The following BRINP3 variants were observed in gnomAD, a reference collection of about 807,000 sequenced individuals.
The protein encoded by BRINP3 is BMP/retinoic acid inducible neural specific 3, also known as BMP/retinoic acid-inducible neural-specific protein 3.
BRINP3 carries 19 observed loss-of-function variants against 71.0 expected under a neutral mutation model. The ratio of observed to expected loss-of-function variants is 0.27; its 90% CI spans 0.19 to 0.39. BRINP3 has a LOEUF of 0.39. Ranked by LOEUF, BRINP3 falls within the 10% of genes least tolerant of loss-of-function variation. The pLI is 1.00. For synonymous variants in BRINP3, 380 were observed against 337.7 expected, an observed-to-expected ratio of 1.13 and a Z score of -1.37; for missense variants, 959 against 940.8, an observed-to-expected ratio of 1.02 and a Z score of -0.25.
intron 2 of BRINP3, among the ~76,000 whole-genome samples, chr1:190,414,015 T>G (rs1425352235): frequency 6.6e-6 from 1 of 152,068 alleles, no homozygotes; most frequent in African/African-American, 2.4e-5. Context: ...CAGGCTGGAG[T>G]GCAGTGGTGT....
intron 6 of BRINP3, among the ~76,000 whole-genome samples, chr1:190,173,468 T>C (rs748342036): frequency 2.0e-5 from 3 of 152,186 alleles, no homozygotes; most frequent in Non-Finnish European, 4.4e-5. Context: ...GAAAGGGAGA[T>C]ACATTGGTCT....
intron 2 of BRINP3, among the ~76,000 whole-genome samples, chr1:190,307,711 A>G (rs759009511): frequency 6.6e-6 from 1 of 151,932 alleles, no homozygotes; most frequent in Non-Finnish European, 1.5e-5. Context: ...CCCTCGAAAA[A>G]AAGAGCTTCC....
chr1:190,402,435 C>T (rs1017160814), intron 2 of BRINP3, among the ~76,000 whole-genome samples: 7 of 152,010 alleles, frequency 4.6e-5, no homozygotes, highest in East Asian at 1.9e-4. Context: ...TAGTAACTAT[C>T]GGTTTTAGAA....
chr1:190,239,406 A>G (rs1658837929), intron 4 of BRINP3, among the ~76,000 whole-genome samples: 1 of 152,128 alleles, frequency 6.6e-6, no homozygotes. Flanking sequence ...CTAGAAGTTT[A>G]TTTTGCCTAA....
At chr1:190,257,950 T>C (rs557134548) in intron 4 of BRINP3, among the ~76,000 whole-genome samples, 2 of 152,322 alleles carry the variant, frequency 1.3e-5, no homozygotes, top group Admixed American at 6.5e-5. Context: ...AGGGACCCAC[T>C]TGAGGAGGCA....
intron 2 of BRINP3, among the ~76,000 whole-genome samples, chr1:190,429,403 G>A (rs1440662986): frequency 6.6e-6 from 1 of 152,052 alleles, no homozygotes; most frequent in East Asian, 1.9e-4. Context: ...ATGAAGTCAT[G>A]GTTTCCCCTA....
intron 2 of BRINP3, among the ~76,000 whole-genome samples, chr1:190,395,059 T>C (rs566863107): frequency 6.6e-6 from 1 of 151,444 alleles, no homozygotes; most frequent in Admixed American, 6.6e-5. Context: ...ATATTTGTGG[T>C]AAGAATATAT....
At chr1:190,467,727 A>T (rs921106029) in intron 1 of BRINP3, among the ~76,000 whole-genome samples, 2 of 151,566 alleles carry the variant, frequency 1.3e-5, no homozygotes, top group African/African-American at 4.8e-5. Flanking sequence ...TCAATACATT[A>T]ATTTAACTTC....
chr1:190,280,388 G>T (rs10920683), intron 3 of BRINP3, among the ~76,000 whole-genome samples: 15 of 151,476 alleles, frequency 9.9e-5, no homozygotes, highest in Admixed American at 2.0e-4. Flanking sequence ...CTAGGTTTCA[G>T]TTAAAACAGT....
intron 6 of BRINP3, among the ~76,000 whole-genome samples, chr1:190,162,011 G>A (rs1241827288): frequency 6.6e-6 from 1 of 151,962 alleles, no homozygotes; most frequent in Non-Finnish European, 1.5e-5. Context: ...GATCAAATAA[G>A]TACAGAGTTC....
At chr1:190,133,203 G>A (rs1476586318) in intron 7 of BRINP3, among the ~76,000 whole-genome samples, 1 of 152,108 alleles carries the variant, frequency 6.6e-6, no homozygotes, top group Non-Finnish European at 1.5e-5. Flanking sequence ...ATAGATTATA[G>A]TAAGACTATA....
intron 2 of BRINP3, among the ~76,000 whole-genome samples, chr1:190,349,251 CTA>C (rs1668216897): frequency 6.6e-6 from 1 of 151,978 alleles, no homozygotes; most frequent in Non-Finnish European, 1.5e-5. Flanking sequence ...TTGGATTTCT[CTA>C]TTTTTATTTT....
intron 6 of BRINP3, among the ~76,000 whole-genome samples, chr1:190,192,622 T>A (rs904348927): frequency 6.6e-6 from 1 of 151,960 alleles, no homozygotes; most frequent in African/African-American, 2.4e-5. Flanking sequence ...AACTATTACC[T>A]ATGCAAGAAG....
intron 3 of BRINP3, 122 bp from the exon 4 acceptor site, chr1:190,265,177 A>C (rs1166332338): frequency 2.4e-6 from 2 of 821,862 alleles, no homozygotes; most frequent in African/African-American, 1.8e-5. Flanking sequence ...ATATGCCAAA[A>C]GGGCAAGGGG....
chr1:190,158,029 G>GTGTGTACTTAT (rs1321863100), intron 7 of BRINP3, among the ~76,000 whole-genome samples: 1 of 152,050 alleles, frequency 6.6e-6, no homozygotes, highest in Non-Finnish European at 1.5e-5. Flanking sequence ...GCCAATTAAT[G>GTGTGTACTTAT]TGTGTACTTA....
At chr1:190,412,016 TACTGTA>T (rs1161491153) in intron 2 of BRINP3, among the ~76,000 whole-genome samples, 1 of 152,104 alleles carries the variant, frequency 6.6e-6, no homozygotes, top group East Asian at 1.9e-4. Flanking sequence ...GGCCACTACT[TACTGTA>T]ACCTATGTTT....
chr1:190,319,223 C>T lies in BRINP3; in HGVS notation c.237-37473G>A, dbSNP rs142606712. On this transcript the variant is annotated intron_variant, in intron 2 of 7. Transcript: ENST00000367462. ...AGGATATTTATCTTCACATTCTCTT[C>T]TGAAGCTTGGAATACCTTACGCTCC... Among the ~76,000 whole-genome samples, 998 of 152,168 alleles carry T rather than the reference C, an allele frequency of 6.6e-3. 5 individuals carry two copies. The highest frequency in any genetic ancestry group is 0.021 in the African/African-American group (888 of 41,540).
intron 2 of BRINP3, among the ~76,000 whole-genome samples, chr1:190,324,683 ATAT>A: frequency 6.6e-6 from 1 of 152,014 alleles, no homozygotes; most frequent in African/African-American, 2.4e-5. Context: ...TTTGTCTAAA[ATAT>A]TATTTGTAAT....
At chr1:190,274,081 T>C (rs751642316) in intron 3 of BRINP3, among the ~76,000 whole-genome samples, 4 of 151,530 alleles carry the variant, frequency 2.6e-5, no homozygotes, top group Non-Finnish European at 5.9e-5. Flanking sequence ...ATCACAAAAT[T>C]ACACCTGTTC....
Sources: allele counts gnomAD v4.1 joint callset (sites outside exome capture counted in the v4.1 genomes callset), GRCh38; gene constraint gnomAD v4.1.1; transcripts MANE v1.5; gene names NCBI Gene and HGNC (gene_info 2026-07-23, HGNC 2026-07-21).